The following SYT2 variants were observed in gnomAD, a reference collection of about 807,000 sequenced individuals.
SYT2 encodes synaptotagmin-2.
In SYT2, 15 loss-of-function variants were observed where a neutral mutation model predicts 39.9. The ratio of observed to expected loss-of-function variants is 0.38; its 90% confidence interval spans 0.25 to 0.58. The LOEUF (loss-of-function observed/expected upper bound fraction) is 0.58, where lower values mean the gene tolerates loss of function less well. SYT2 is among the 20% of genes least tolerant of loss of function. SYT2 has a pLI of 0.70. For missense variants in SYT2, 389 were observed against 530.3 expected (o/e 0.73, Z 2.62); for synonymous variants, 181 against 204.5 (o/e 0.89, Z 0.98).
intron 1 of SYT2, chr1:202,639,692 G>A: frequency 1.0e-6 from 1 of 985,446 alleles, no homozygotes; most frequent in Non-Finnish European, 1.2e-6. Flanking sequence ...ACTTCTCTCA[G>A]ACTCATGCTG....
Position 202,596,547 on chromosome 1 carries a change from A to C in SYT2, c.*210T>G, listed in dbSNP as rs1208095477. 33 of 551,368 alleles carry C rather than the reference A, an allele frequency of 6.0e-5. No individual in the cohort carries two copies. Among genetic ancestry groups the C allele is most frequent in the Non-Finnish European group, 1.0e-4 (32 of 312,158 alleles). 34.2% of individuals were successfully genotyped at this position (551,368 alleles called of 1,614,324 possible). A position where few individuals can be genotyped will look rare whatever the true frequency, so the allele number is the denominator to read the frequency against. On this transcript the variant is annotated 3_prime_UTR_variant, in exon 9 of 9. Coordinates refer to ENST00000367268, the MANE Select transcript of SYT2 (RefSeq NM_177402.5). The stretch of plus-strand genomic sequence containing the variant: ...AGCTCCTGGGACCGTGAACAGAGCC[A>C]GGCTTCTCTTTCACCTCTTAGGGGA...
intron 1 of SYT2, among the ~76,000 whole-genome samples, chr1:202,629,863 C>CTGG (rs1691521569): frequency 4.9e-5 from 1 of 20,310 alleles, no homozygotes; most frequent in Non-Finnish European, 9.9e-5. Context: ...CAGCAGGCAG[C>CTGG]TGGTGGGGGG....
chr1:202,682,047 C>T (rs1653539722), intron 1 of SYT2, among the ~76,000 whole-genome samples: 1 of 152,198 alleles, frequency 6.6e-6, no homozygotes, highest in African/African-American at 2.4e-5. Flanking sequence ...AATCCAGCCT[C>T]CCAGACCACT....
chr1:202,697,091 G>A (rs567421981), intron 1 of SYT2, among the ~76,000 whole-genome samples: 32 of 152,356 alleles, frequency 2.1e-4, no homozygotes, highest in African/African-American at 7.5e-4. Flanking sequence ...GGCCGCAGCT[G>A]AGCAAGCTTC....
chr1:202,625,074 GTGTGTGTGTGGTT>G (rs1364003121), intron 1 of SYT2, among the ~76,000 whole-genome samples: 21 of 152,242 alleles, frequency 1.4e-4, no homozygotes, highest in African/African-American at 5.1e-4. Flanking sequence ...GTGTAGTAGG[GTGTGTGTGTGGTT>G]TGTGTGTGGT....
intron 1 of SYT2, among the ~76,000 whole-genome samples, chr1:202,669,858 C>T (rs1425733829): frequency 6.6e-6 from 1 of 152,114 alleles, no homozygotes; most frequent in Non-Finnish European, 1.5e-5. Flanking sequence ...TTCAGTCAAC[C>T]TACCTGGGAG....
At position 202,594,164 on chromosome 1, in the gene SYT2, C is replaced by G. The variant is rs1004101616; in HGVS notation, c.*2593G>C. The stretch of plus-strand genomic sequence containing the variant: ...ACCCACACTGGCTCCACACTGGTGT[C>G]AACGTTCAAAATCACTCAGCAACCT... On this transcript the variant is annotated 3_prime_UTR_variant, in exon 9 of 9. Transcript: ENST00000367268. 5 of 152,378 alleles carry G rather than the reference C, an allele frequency of 3.3e-5. No homozygotes were observed. The highest frequency in any genetic ancestry group is 9.7e-5 in the African/African-American group (4 of 41,450). The allele number at this position is 152,378 out of a possible 1,614,324, so 9.4% of individuals were successfully genotyped here. A position where few individuals can be genotyped will look rare whatever the true frequency, so the allele number is the denominator to read the frequency against.
intron 1 of SYT2, among the ~76,000 whole-genome samples, chr1:202,681,116 G>A (rs1466871229): frequency 1.3e-5 from 2 of 151,488 alleles, no homozygotes; most frequent in Non-Finnish European, 2.9e-5. Flanking sequence ...CCTGGCTCCT[G>A]GTCTCACCTA....
chr1:202,690,665 T>C (rs1332554779), intron 1 of SYT2, among the ~76,000 whole-genome samples: 1 of 152,240 alleles, frequency 6.6e-6, no homozygotes, highest in Non-Finnish European at 1.5e-5. Flanking sequence ...AATTCTTCAA[T>C]ATTCATTCGA....
At chr1:202,666,973 C>T (rs974902773) in intron 1 of SYT2, among the ~76,000 whole-genome samples, 7 of 152,204 alleles carry the variant, frequency 4.6e-5, no homozygotes, top group African/African-American at 1.7e-4. Flanking sequence ...CTGAGCGAAA[C>T]TCTGTCTCAA....
In SYT2 at chr1:202,661,444, C is replaced by A. The variant is rs145029384; in HGVS notation, c.-18+48814G>T. Among the ~76,000 whole-genome samples, 5 of 152,262 alleles carry A rather than the reference C, an allele frequency of 3.3e-5. No homozygotes were observed. In the East Asian group the frequency reaches 9.7e-4, roughly 29 times the overall value. On this transcript the variant is annotated intron_variant, in intron 1 of 8. Coordinates refer to ENST00000367268, the MANE Select transcript of SYT2 (RefSeq NM_177402.5). Reference sequence around the variant, plus strand: ...GAGTACAAGGTATATCCTTTTTCTCCAGTGCAGCCTTGTCCCTTTGCATGA... The same window carrying A: ...GAGTACAAGGTATATCCTTTTTCTCAAGTGCAGCCTTGTCCCTTTGCATGA...
At chr1:202,657,853 G>T (rs1375551477) in intron 1 of SYT2, among the ~76,000 whole-genome samples, 1 of 152,122 alleles carries the variant, frequency 6.6e-6, no homozygotes, top group Non-Finnish European at 1.5e-5. Flanking sequence ...GGTATGTTTG[G>T]TGGGGACGTA....
chr1:202,665,978 C>T (rs975865126), intron 1 of SYT2, among the ~76,000 whole-genome samples: 23 of 151,890 alleles, frequency 1.5e-4, no homozygotes, highest in African/African-American at 5.6e-4. Flanking sequence ...ATGGTGAAAC[C>T]CCGTCTCTAC....
intron 1 of SYT2, among the ~76,000 whole-genome samples, chr1:202,638,970 G>A (rs968735061): frequency 6.6e-6 from 1 of 152,194 alleles, no homozygotes; most frequent in African/African-American, 2.4e-5. Context: ...AAAGAAAAGC[G>A]TGGTCTTGGA....
intron 1 of SYT2, among the ~76,000 whole-genome samples, chr1:202,685,571 CG>C (rs1653642410): frequency 6.6e-6 from 1 of 152,082 alleles, no homozygotes; most frequent in Non-Finnish European, 1.5e-5. Flanking sequence ...GGTAATTCAC[CG>C]CATCACCCCA....
chr1:202,605,837 T>C, intron 1 of SYT2, 48 bp from the exon 2 acceptor site: 1 of 1,476,936 alleles, frequency 6.8e-7, no homozygotes, highest in Admixed American at 1.9e-5. Flanking sequence ...AGAGGTCGTC[T>C]TACCCTGAGA....
intron 1 of SYT2, among the ~76,000 whole-genome samples, chr1:202,672,809 G>A (rs1692619738): frequency 7.5e-6 from 1 of 133,934 alleles, no homozygotes; most frequent in South Asian, 2.7e-4. Flanking sequence ...GGCAACACTT[G>A]AGGAGAGAAA....
chr1:202,621,956 A>G (rs1414105158), intron 1 of SYT2, among the ~76,000 whole-genome samples: 1 of 152,204 alleles, frequency 6.6e-6, no homozygotes, highest in Non-Finnish European at 1.5e-5. Flanking sequence ...ACATACACTC[A>G]CCATCAACTG....
In SYT2 at chr1:202,623,272, C is replaced by A. The variant is rs1472920474; in HGVS notation, c.-17-17483G>T. On this transcript the variant is annotated intron_variant, in intron 1 of 8. Transcript: ENST00000367268. The surrounding 1 kb of genome is among the most constrained non-coding windows in gnomAD (Gnocchi z 4.2). ...AGAGGGAGTTAATACTGCAGCACGG[C>A]GCACTCTAGCCAAGACGGAGAAGCT... Among the ~76,000 whole-genome samples, 1 of 152,218 alleles carries A rather than the reference C, an allele frequency of 6.6e-6. No homozygotes were observed. Among genetic ancestry groups the A allele is most frequent in the Non-Finnish European group, 1.5e-5 (1 of 68,036 alleles).
Sources: gnomAD v4.1 joint callset for allele counts (sites outside exome capture counted in the v4.1 genomes callset) on GRCh38, gnomAD v4.1.1 for gene constraint, Gnocchi (gnomAD v3.1) non-coding constraint, MANE v1.5 for transcripts, NCBI Gene and HGNC (gene_info 2026-07-23, HGNC 2026-07-21) for gene names.